The following STIM2 variants were observed in gnomAD, a reference collection of about 807,000 sequenced individuals.
STIM2 encodes the protein stromal interaction molecule 2.
In STIM2, 31 loss-of-function variants were observed where a neutral mutation model predicts 85.8. The ratio of observed to expected loss-of-function variants is 0.36; its 90% CI spans 0.27 to 0.49. The LOEUF is 0.49. Among genes scored for constraint, STIM2 ranks in the 20% least tolerant of loss-of-function variants. The pLI, the probability that STIM2 is intolerant of heterozygous loss-of-function variation, is 0.98. For missense variants in STIM2, 841 were observed against 927.6 expected, an observed-to-expected ratio of 0.91 and a Z score of 1.21; for synonymous variants, 356 against 331.1, an observed-to-expected ratio of 1.08 and a Z score of -0.82.
intron 3 of STIM2, among the ~76,000 whole-genome samples, chr4:26,958,114 T>C (rs1221046271): frequency 6.6e-6 from 1 of 152,172 alleles, no homozygotes; most frequent in African/African-American, 2.4e-5. Context: ...GCTATTACTG[T>C]TAAGCTTTTT....
chr4:27,024,658 A>G lies in STIM2; in HGVS notation c.*1662A>G, dbSNP rs1422016608. The G allele has an allele frequency of 6.6e-6, 1 of 152,216 alleles. No individual in the cohort carries two copies. Among genetic ancestry groups the G allele is most frequent in the Non-Finnish European group, 1.5e-5 (1 of 68,036 alleles). The allele number at this position is 152,216 out of a possible 1,614,324, so 9.4% of individuals were successfully genotyped here. A position where few individuals can be genotyped will look rare whatever the true frequency, so the allele number is the denominator to read the frequency against. On this transcript the variant is annotated 3_prime_UTR_variant, in exon 12 of 12. Transcript: ENST00000467087. ...ATATACTTAATAGATTGAGTTCTGT[A>G]AGGGCAAAAACGGATTGAAATGAAC...
At chr4:27,005,000 A>T (rs1259250031) in intron 7 of STIM2, among the ~76,000 whole-genome samples, 1 of 152,208 alleles carries the variant, frequency 6.6e-6, no homozygotes, top group Non-Finnish European at 1.5e-5. Flanking sequence ...TTACACAGCT[A>T]TTAACTGGTA....
intron 1 of STIM2, 121 bp downstream of exon 1, chr4:26,861,490 C>T (rs901030648): frequency 4.1e-6 from 5 of 1,218,468 alleles, no homozygotes; most frequent in Admixed American, 8.7e-5. Context: ...GGGCGCGATG[C>T]GGAGCCCTGC....
intron 2 of STIM2, among the ~76,000 whole-genome samples, chr4:26,921,476 C>T (rs1048545296): frequency 3.9e-5 from 6 of 152,160 alleles, no homozygotes; most frequent in African/African-American, 7.2e-5. Context: ...TATTCAACTC[C>T]GCCACTATAG....
At chr4:26,923,001 G>A (rs941208076) in intron 2 of STIM2, among the ~76,000 whole-genome samples, 3 of 151,784 alleles carry the variant, frequency 2.0e-5, no homozygotes, top group Non-Finnish European at 4.4e-5. Flanking sequence ...AGAGAGCAGT[G>A]GTTCTCCCAG....
intron 3 of STIM2, among the ~76,000 whole-genome samples, chr4:26,977,122 G>A (rs1031540749): frequency 2.0e-5 from 3 of 152,170 alleles, no homozygotes; most frequent in South Asian, 2.1e-4. Context: ...TCAGAGTGGC[G>A]CTAGAGGGTG....
chr4:26,936,801 T>C (rs1725408236), intron 2 of STIM2, among the ~76,000 whole-genome samples: 1 of 152,194 alleles, frequency 6.6e-6, no homozygotes, highest in Non-Finnish European at 1.5e-5. Context: ...TTTTGCCTTT[T>C]TTGTTTGAGA....
chr4:26,967,741 C>T (rs926394344), intron 3 of STIM2, among the ~76,000 whole-genome samples: 5 of 152,066 alleles, frequency 3.3e-5, no homozygotes, highest in African/African-American at 1.2e-4. Context: ...CCTGGTCCAG[C>T]GACATCTTTC....
intron 2 of STIM2, among the ~76,000 whole-genome samples, chr4:26,957,097 G>A (rs1164911692): frequency 2.0e-5 from 3 of 151,988 alleles, no homozygotes; most frequent in Non-Finnish European, 4.4e-5. Flanking sequence ...AAATGATATA[G>A]CATTTGGATA....
chr4:26,901,856 A>T (rs1723930927), intron 1 of STIM2, among the ~76,000 whole-genome samples: 1 of 152,110 alleles, frequency 6.6e-6, no homozygotes, highest in African/African-American at 2.4e-5. Context: ...GATTATTTGG[A>T]GGAGGATATG....
intron 1 of STIM2, among the ~76,000 whole-genome samples, chr4:26,875,213 C>T (rs764685676): frequency 6.6e-6 from 1 of 152,046 alleles, no homozygotes; most frequent in African/African-American, 2.4e-5. Flanking sequence ...CTATTAACTC[C>T]TTGTTTTGTG....
chr4:26,906,549 T>C (rs1724133114), intron 1 of STIM2, among the ~76,000 whole-genome samples: 1 of 151,644 alleles, frequency 6.6e-6, no homozygotes. Flanking sequence ...CAAAAAAAAT[T>C]TAAGATATTA....
chr4:26,897,411 A>G (rs1723747746), intron 1 of STIM2, among the ~76,000 whole-genome samples: 1 of 152,148 alleles, frequency 6.6e-6, no homozygotes, highest in Non-Finnish European at 1.5e-5. Context: ...TTTATCTGTC[A>G]TCTCTGTATC....
chr4:26,951,725 C>T (rs1266449573), intron 2 of STIM2, among the ~76,000 whole-genome samples: 3 of 152,040 alleles, frequency 2.0e-5, no homozygotes, highest in African/African-American at 2.4e-5. Flanking sequence ...ATGCTTACCT[C>T]TACTTAAAGT....
Position 27,022,963 on chromosome 4 carries a change from A to T in STIM2, c.2208A>T (p.Lys736Asn). ...GAGAGAAAAGCAAAAAGCCATCAAA[A>T]ATCAAAAGCCTTTTTAAGAAGAAAT... Residue 736 changes from lysine (K) to asparagine (N), a missense_variant, in exon 12 of 12, where the codon AAA (lysine) becomes AAT (asparagine). By Grantham distance (94) the Lys-to-Asn change is moderately conservative (BLOSUM62 0). Around this residue, in one of 3 missense-constraint regions of STIM2, gnomAD observed 293 missense variants for 284.5 expected, o/e 1.03. Transcript: ENST00000467087. The T allele has an allele frequency of 6.2e-7, 1 of 1,613,516 alleles. No homozygotes were observed. Among genetic ancestry groups the T allele is most frequent in the Non-Finnish European group, 8.5e-7 (1 of 1,179,942 alleles).
chr4:27,008,747 T>A lies in STIM2; in HGVS notation c.1251-17T>A. On this transcript the variant is annotated splice_polypyrimidine_tract_variant and intron_variant, in intron 9 of 11. Coordinates refer to ENST00000467087, the MANE Select transcript of STIM2 (RefSeq NM_020860.4). ...ACCTTTTGATGCAGTAAGTAATTTCTTTATTGGCTTTTCCAGGAAAGCTCT... is the reference window on the plus strand; with the variant it reads ...ACCTTTTGATGCAGTAAGTAATTTCATTATTGGCTTTTCCAGGAAAGCTCT... 6.2e-7 allele frequency: 1 copy of A among 1,613,112 alleles called. No individual in the cohort carries two copies. The highest frequency in any genetic ancestry group is 1.3e-5 in the African/African-American group (1 of 74,976).
At chr4:27,019,642 A>C in intron 11 of STIM2, 2 of 407,064 alleles carry the variant, frequency 4.9e-6, no homozygotes, top group Non-Finnish European at 8.8e-6. Context: ...CTATTGAACC[A>C]CCAGAATCCT....
At position 27,017,792 on chromosome 4, in the gene STIM2, C is replaced by T; in HGVS notation, c.1571C>T (p.Pro524Leu). The T allele has an allele frequency of 6.2e-7, 1 of 1,614,140 alleles. No homozygotes were observed. The highest frequency in any genetic ancestry group is 8.5e-7 in the Non-Finnish European group (1 of 1,180,022). Reference sequence around the variant, plus strand: ...CGCCGCAGCATTGTGCCGTCCTCGCCTCAGCCTCAGCGAGCTCAGCTTGCT... The same window carrying T: ...CGCCGCAGCATTGTGCCGTCCTCGCTTCAGCCTCAGCGAGCTCAGCTTGCT... The change falls in exon 11 of 12, where the codon CCT (proline) becomes CTT (leucine). Residue 524 changes from proline (P) to leucine (L), a missense_variant. Coordinates refer to ENST00000467087, the MANE Select transcript of STIM2 (RefSeq NM_020860.4).
At chr4:26,887,964 C>T (rs746952688) in intron 1 of STIM2, among the ~76,000 whole-genome samples, 5 of 152,096 alleles carry the variant, frequency 3.3e-5, no homozygotes, top group Non-Finnish European at 5.9e-5. Flanking sequence ...CTTGGGCAGG[C>T]GATGATGCTG....
Sources: gnomAD v4.1 joint callset for allele counts (sites outside exome capture counted in the v4.1 genomes callset) on GRCh38, gnomAD v4.1.1 for gene constraint, gnomAD v4.1.1 regional missense constraint, MANE v1.5 for transcripts, NCBI Gene and HGNC (gene_info 2026-07-23, HGNC 2026-07-21) for gene names.